SLC4A4: variants seen among roughly 807,000 people sequenced by gnomAD.
The protein encoded by SLC4A4 is electrogenic sodium bicarbonate cotransporter 1.
A neutral mutation model predicts 111.5 loss-of-function variants in SLC4A4; 27 were observed. That is an observed-to-expected ratio of 0.24 (90% confidence interval 0.18 to 0.33). The LOEUF is 0.33. Among genes scored for constraint, SLC4A4 ranks in the 10% least tolerant of loss-of-function variants. SLC4A4 has a pLI of 1.00. For synonymous variants in SLC4A4, 443 were observed against 463.4 expected (o/e 0.96, Z 0.57); for missense variants, 909 against 1,315.5 (o/e 0.69, Z 4.78).
chr4:71,229,500 C>T (rs1719265109), intron 1 of SLC4A4, among the ~76,000 whole-genome samples: 1 of 152,096 alleles, frequency 6.6e-6, no homozygotes, highest in Admixed American at 6.5e-5. Flanking sequence ...GCATTTTCAC[C>T]TTTTATCCAG....
chr4:71,375,356 T>A (rs1248959796), intron 6 of SLC4A4, among the ~76,000 whole-genome samples: 5 of 152,222 alleles, frequency 3.3e-5, no homozygotes, highest in African/African-American at 1.2e-4. Context: ...CTTTCTGTAT[T>A]TGCCTTTATC....
At chr4:71,157,340 A>G (rs1488781764) in intron 2 of SLC4A4, among the ~76,000 whole-genome samples, 1 of 152,214 alleles carries the variant, frequency 6.6e-6, no homozygotes, top group Non-Finnish European at 1.5e-5. Context: ...TTCATATAAA[A>G]GTAATACATA....
chr4:71,212,279 A>G (rs1718181235), intron 1 of SLC4A4, among the ~76,000 whole-genome samples: 1 of 152,092 alleles, frequency 6.6e-6, no homozygotes, highest in Non-Finnish European at 1.5e-5. Flanking sequence ...CTGTTCACTG[A>G]GCTTAGGTTT....
At chr4:71,339,813 A>G (rs996485409) in intron 4 of SLC4A4, among the ~76,000 whole-genome samples, 1 of 152,244 alleles carries the variant, frequency 6.6e-6, no homozygotes, top group Admixed American at 6.5e-5. Context: ...TTTTAGAGAG[A>G]TAATAAACTC....
chr4:71,503,467 T>C (rs1344478827), intron 16 of SLC4A4, among the ~76,000 whole-genome samples: 1 of 152,118 alleles, frequency 6.6e-6, no homozygotes, highest in African/African-American at 2.4e-5. Flanking sequence ...TTATCAGCTG[T>C]AATTTCTATC....
In SLC4A4 at chr4:71,437,756, G is replaced by A. The variant is rs1724290288; in HGVS notation, c.808-2860G>A. ...CCCTCCAAAGTGAAATTCTTGGCAA[G>A]TTCAAGCTTGACAGTCACCATCTTG... On this transcript the variant is annotated intron_variant, in intron 7 of 25. Transcript: ENST00000264485. The A allele has an allele frequency of 3.1e-5, 9 of 291,090 alleles. 1 individual carries two copies. In the South Asian group the frequency reaches 3.5e-4, roughly 11 times the overall value. 18.0% of individuals were successfully genotyped at this position (291,090 alleles called of 1,614,324 possible). A position where few individuals can be genotyped will look rare whatever the true frequency, so the allele number is the denominator to read the frequency against.
In SLC4A4 at chr4:71,472,760, T is replaced by C; in HGVS notation, c.1693T>C (p.Cys565Arg). The change falls in exon 14 of 26, where the codon TGT becomes CGT. Residue 565 changes from cysteine to arginine, a missense_variant. Cys to Arg is a radical substitution (Grantham distance 180). Around this residue, in one of 7 missense-constraint regions of SLC4A4, gnomAD observed 264 missense variants for 356.8 expected, o/e 0.74. Transcript: ENST00000264485. ...GATTGGCCTGTGGTCCGCCTTCCTA[T>C]GTCTCATTTTGGTAGCCACTGATGC... ...LWIGLWSAFL[C>R]LILVATDASF... The C allele has an allele frequency of 6.2e-7, 1 of 1,612,938 alleles. No individual in the cohort carries two copies. Among genetic ancestry groups the C allele is most frequent in the Non-Finnish European group, 8.5e-7 (1 of 1,179,312 alleles).
At chr4:71,456,526 A>C (rs906997771) in intron 12 of SLC4A4, among the ~76,000 whole-genome samples, 1 of 152,266 alleles carries the variant, frequency 6.6e-6, no homozygotes, top group African/African-American at 2.4e-5. Flanking sequence ...TGGCAGGAGA[A>C]GTCTTCTTGA....
chr4:71,175,908 C>T (rs1745081721), intron 2 of SLC4A4, among the ~76,000 whole-genome samples: 1 of 152,220 alleles, frequency 6.6e-6, no homozygotes, highest in Admixed American at 6.5e-5. Flanking sequence ...CCCGAGTAAC[C>T]TAACTGGGAG....
At chr4:71,440,575 T>A in intron 7 of SLC4A4, 41 bp from the exon 8 acceptor site, 4 of 1,609,472 alleles carry the variant, frequency 2.5e-6, no homozygotes, top group Non-Finnish European at 3.4e-6. Flanking sequence ...CACAGGAACC[T>A]TGTGGAACTA....
intron 2 of SLC4A4, among the ~76,000 whole-genome samples, chr4:71,140,842 A>G (rs945620170): frequency 6.6e-6 from 1 of 152,086 alleles, no homozygotes; most frequent in African/African-American, 2.4e-5. Flanking sequence ...GATTGCAAAG[A>G]CTCCTAAGCT....
At chr4:71,487,051 A>G in intron 15 of SLC4A4, 33 bp downstream of exon 15, 2 of 1,224,774 alleles carry the variant, frequency 1.6e-6, no homozygotes, top group Non-Finnish European at 1.2e-6. Context: ...TTACCTTCAT[A>G]CTGACTGCAT....
chr4:71,215,865 T>C (rs949341264), intron 1 of SLC4A4, among the ~76,000 whole-genome samples: 3 of 151,986 alleles, frequency 2.0e-5, no homozygotes, highest in Non-Finnish European at 2.9e-5. Context: ...CCGAACAAAA[T>C]AAATTATTAT....
intron 12 of SLC4A4, among the ~76,000 whole-genome samples, chr4:71,466,161 G>A (rs1364947800): frequency 2.0e-5 from 3 of 152,010 alleles, no homozygotes; most frequent in Non-Finnish European, 4.4e-5. Flanking sequence ...AGTAAGGATC[G>A]GAGCCACCTT....
At position 71,187,284 on chromosome 4, in the gene SLC4A4, T is replaced by TGGCGGC. The variant is rs1476906050; in HGVS notation, c.-112_-107dup. On this transcript the variant is annotated 5_prime_UTR_variant, in exon 1 of 26. Coordinates refer to ENST00000264485, the MANE Select transcript of SLC4A4 (RefSeq NM_001098484.3). ...GGCGGCGCGCCGGGCAGCGCTTCGG[T>TGGCGGC]GGCGGCGGCGGCCGCGGTGGCAGCG... is the stretch of plus-strand genomic sequence containing the variant. 107 of 153,998 alleles carry TGGCGGC rather than the reference T, an allele frequency of 6.9e-4. No homozygotes were observed. In the East Asian group the frequency reaches 0.014, roughly 21 times the overall value. The allele number at this position is 153,998 out of a possible 1,614,324, so 9.5% of individuals were successfully genotyped here.
At position 71,571,895 on chromosome 4, in the gene SLC4A4, A is replaced by G. The variant is rs185579255; in HGVS notation, c.*4144A>G. ...GGAACAAAATGATAAAGAACAGAAA[A>G]CATTTCAATATATTACTAATAACTT... On this transcript the variant is annotated 3_prime_UTR_variant, in exon 26 of 26. Transcript: ENST00000264485. 150 of 152,412 alleles carry G rather than the reference A, an allele frequency of 9.8e-4. No homozygotes were observed. The highest frequency in any genetic ancestry group is 3.5e-3 in the African/African-American group (144 of 41,526). The allele number at this position is 152,412 out of a possible 1,614,324, so 9.4% of individuals were successfully genotyped here. A position where few individuals can be genotyped will look rare whatever the true frequency, so the allele number is the denominator to read the frequency against.
chr4:71,567,722 A>G (rs904630176), intron 25 of SLC4A4, 66 bp from the exon 26 acceptor site: 1 of 740,942 alleles, frequency 1.3e-6, no homozygotes, highest in African/African-American at 1.8e-5. Context: ...TACAATGCAT[A>G]AACATTTGAC....
chr4:71,196,692 G>A (rs1746015684), intron 1 of SLC4A4, among the ~76,000 whole-genome samples: 1 of 151,388 alleles, frequency 6.6e-6, no homozygotes, highest in South Asian at 2.1e-4. Flanking sequence ...GTACTGGCTG[G>A]GTGCGGTGGC....
At chr4:71,387,442 CTA>C (rs1718852623) in intron 6 of SLC4A4, among the ~76,000 whole-genome samples, 1 of 152,126 alleles carries the variant, frequency 6.6e-6, no homozygotes, top group Non-Finnish European at 1.5e-5. Context: ...AACCCAGTTA[CTA>C]TGTCATATAC....
Sources: gnomAD v4.1 joint callset for allele counts (sites outside exome capture counted in the v4.1 genomes callset) on GRCh38, gnomAD v4.1.1 for gene constraint, gnomAD v4.1.1 regional missense constraint, MANE v1.5 for transcripts, NCBI Gene and HGNC (gene_info 2026-07-23, HGNC 2026-07-21) for gene names.